THSD7B: variants seen among roughly 807,000 people sequenced by gnomAD.
The protein encoded by THSD7B is thrombospondin type-1 domain-containing protein 7B.
THSD7B carries 138 observed loss-of-function variants against 213.6 expected under a neutral mutation model. The ratio of observed to expected loss-of-function variants is 0.65; its 90% CI spans 0.56 to 0.74. The LOEUF (loss-of-function observed/expected upper bound fraction) is 0.74, where lower values mean the gene tolerates loss of function less well. Among genes scored for constraint, THSD7B ranks in the 30% least tolerant of loss-of-function variants. THSD7B has a pLI of 0.00. For missense variants in THSD7B, 1,931 were observed against 1,991.5 expected (o/e 0.97, Z 0.58); for synonymous variants, 742 against 687.0 (o/e 1.08, Z -1.25).
At chr2:137,165,029 A>T (rs1156556937) in intron 6 of THSD7B, among the ~76,000 whole-genome samples, 1 of 151,538 alleles carries the variant, frequency 6.6e-6, no homozygotes, top group African/African-American at 2.4e-5. Context: ...AAAGTATAAT[A>T]AAAAAAAAGA....
At chr2:136,838,285 A>C (rs1405636839) in intron 1 of THSD7B, among the ~76,000 whole-genome samples, 2 of 152,046 alleles carry the variant, frequency 1.3e-5, no homozygotes, top group Non-Finnish European at 1.5e-5. Flanking sequence ...GTATAGAGGG[A>C]AGGAGGAGGG....
chr2:137,160,348 A>T lies in THSD7B; in HGVS notation c.1505A>T (p.His502Leu), dbSNP rs561979990. 1.1e-5 allele frequency: 17 copies of T among 1,613,208 alleles called. No homozygotes were observed. Among genetic ancestry groups the T allele is most frequent in the Non-Finnish European group, 1.4e-5 (17 of 1,179,588 alleles). Residue 502 changes from histidine (H) to leucine (L), a missense_variant, in exon 6 of 28, where the codon CAT becomes CTT. Physicochemically the swap from His to Leu is moderately conservative, Grantham distance 99. Transcript: ENST00000409968. ...AWGLCIHENC[H>L]DPQGKKGFRT... Reference sequence around the variant, plus strand: ...GGCCTGTGCATCCATGAAAACTGTCATGATCCTCAGGGGAAAAAAGGTGAG... The same window carrying T: ...GGCCTGTGCATCCATGAAAACTGTCTTGATCCTCAGGGGAAAAAAGGTGAG...
chr2:136,957,529 T>TGG, intron 2 of THSD7B, among the ~76,000 whole-genome samples: 1 of 152,222 alleles, frequency 6.6e-6, no homozygotes, highest in African/African-American at 2.4e-5. Context: ...CCGACAAATT[T>TGG]AGTTTCATTT....
chr2:136,864,219 T>C (rs1683297861), intron 1 of THSD7B, among the ~76,000 whole-genome samples: 1 of 152,232 alleles, frequency 6.6e-6, no homozygotes, highest in Non-Finnish European at 1.5e-5. Context: ...AGCAGATACT[T>C]ATTAAGTGCT....
chr2:137,031,922 G>A (rs1289337287), intron 2 of THSD7B, among the ~76,000 whole-genome samples: 1 of 150,418 alleles, frequency 6.6e-6, no homozygotes, highest in Non-Finnish European at 1.5e-5. Context: ...GCTCACTACA[G>A]CCTCAACCTC....
At chr2:137,112,566 T>G (rs1688368485) in intron 4 of THSD7B, among the ~76,000 whole-genome samples, 1 of 152,232 alleles carries the variant, frequency 6.6e-6, no homozygotes, top group Non-Finnish European at 1.5e-5. Flanking sequence ...TGTAGGGTCA[T>G]GTTAAATTAA....
At chr2:137,606,329 T>C (rs1345869343) in intron 17 of THSD7B, among the ~76,000 whole-genome samples, 4 of 152,206 alleles carry the variant, frequency 2.6e-5, no homozygotes, top group African/African-American at 9.7e-5. Context: ...GGGGCCTCTA[T>C]GTTGCTAGCC....
In THSD7B at chr2:137,301,627, T is replaced by C. The variant is rs1233411372; in HGVS notation, c.2500+25601T>C. Among the ~76,000 whole-genome samples, 3 of 151,938 alleles carry C rather than the reference T, an allele frequency of 2.0e-5. No individual in the cohort carries two copies. The East Asian group carries it at 5.8e-4, about 29-fold the overall frequency. On this transcript the variant is annotated intron_variant, in intron 12 of 27. Transcript: ENST00000409968. ...TTTAAAATATTAATTTAATATATTA[T>C]GTTGATCAAGGAAGCTCTTGCTTAG... is the stretch of plus-strand genomic sequence containing the variant.
At chr2:137,652,872 C>A (rs1683166304) in intron 21 of THSD7B, among the ~76,000 whole-genome samples, 1 of 152,080 alleles carries the variant, frequency 6.6e-6, no homozygotes, top group African/African-American at 2.4e-5. Flanking sequence ...TTTTGACTTT[C>A]ATTTTTCTCA....
chr2:137,653,752 A>C (rs949259274), intron 21 of THSD7B, among the ~76,000 whole-genome samples: 41 of 151,270 alleles, frequency 2.7e-4, no homozygotes, highest in African/African-American at 9.5e-4. Context: ...TAGTTGTTTC[A>C]ATATTTCTAT....
intron 2 of THSD7B, among the ~76,000 whole-genome samples, chr2:137,054,060 T>A (rs1404056016): frequency 6.6e-6 from 1 of 152,176 alleles, no homozygotes; most frequent in Non-Finnish European, 1.5e-5. Context: ...AGCCTCCCAA[T>A]CACTTTCAAG....
At chr2:137,226,292 A>G (rs1372092562) in intron 7 of THSD7B, among the ~76,000 whole-genome samples, 1 of 151,780 alleles carries the variant, frequency 6.6e-6, no homozygotes, top group Non-Finnish European at 1.5e-5. Context: ...TCATAGCAAA[A>G]TGTTGGTCTA....
At chr2:137,023,118 T>C (rs1573772516) in intron 2 of THSD7B, among the ~76,000 whole-genome samples, 1 of 152,142 alleles carries the variant, frequency 6.6e-6, no homozygotes, top group South Asian at 2.1e-4. Flanking sequence ...TAATAGGGAA[T>C]TGTTTATACA....
intron 15 of THSD7B, among the ~76,000 whole-genome samples, chr2:137,496,934 C>T (rs1679582153): frequency 1.3e-5 from 2 of 152,182 alleles, no homozygotes; most frequent in Admixed American, 1.3e-4. Context: ...TTCGTGTAGT[C>T]TGCTAGGGTC....
At chr2:137,111,916 A>C (rs1334698548) in intron 4 of THSD7B, among the ~76,000 whole-genome samples, 1 of 152,100 alleles carries the variant, frequency 6.6e-6, no homozygotes, top group East Asian at 1.9e-4. Context: ...CCTTTTAACC[A>C]AGAGGGCCAA....
chr2:137,471,034 C>G (rs1022671592), intron 15 of THSD7B, among the ~76,000 whole-genome samples: 4 of 151,160 alleles, frequency 2.6e-5, no homozygotes, highest in Non-Finnish European at 5.9e-5. Context: ...ATTCTCCTCT[C>G]TCAGCCTCCC....
At chr2:136,827,104 C>T (rs1290337328) in intron 1 of THSD7B, among the ~76,000 whole-genome samples, 1 of 152,178 alleles carries the variant, frequency 6.6e-6, no homozygotes, top group Non-Finnish European at 1.5e-5. Context: ...TCAGATTTGA[C>T]CTGATGGTAA....
At chr2:136,953,491 A>AT (rs1558865486) in intron 2 of THSD7B, among the ~76,000 whole-genome samples, 1 of 152,194 alleles carries the variant, frequency 6.6e-6, no homozygotes, top group Non-Finnish European at 1.5e-5. Flanking sequence ...ATACTTAAGG[A>AT]TAAGTATATC....
At chr2:136,792,328 G>A (rs1681980492) in intron 1 of THSD7B, among the ~76,000 whole-genome samples, 1 of 151,942 alleles carries the variant, frequency 6.6e-6, no homozygotes, top group Non-Finnish European at 1.5e-5. Flanking sequence ...TGGAAACAGT[G>A]AAAAGATCAG....
Sources: gnomAD v4.1 joint callset for allele counts (sites outside exome capture counted in the v4.1 genomes callset) on GRCh38, gnomAD v4.1.1 for gene constraint, MANE v1.5 for transcripts, NCBI Gene and HGNC (gene_info 2026-07-23, HGNC 2026-07-21) for gene names.